SLC5A3: variants seen among roughly 807,000 people sequenced by gnomAD.
SLC5A3 encodes the protein sodium/myo-inositol cotransporter.
A neutral mutation model predicts 43.2 loss-of-function variants in SLC5A3; 10 were observed. That is an observed-to-expected ratio of 0.23 (90% CI 0.14 to 0.39). SLC5A3 has a LOEUF of 0.39. Among genes scored for constraint, SLC5A3 ranks in the 10% least tolerant of loss-of-function variants. The pLI is 1.00. For synonymous variants in SLC5A3, 349 were observed against 322.0 expected (o/e 1.08, Z -0.90); for missense variants, 608 against 893.4 (o/e 0.68, Z 4.07).
rs559463450 is a variant in SLC5A3, at chr21:34,094,165, T to A, written c.-336-698T>A. The stretch of plus-strand genomic sequence containing the variant: ...CTTCTAACTGGCAGAAATAATACAA[T>A]TTTTGAGTTGTTTTGTAAGTTGGAT... On this transcript the variant is annotated intron_variant, in intron 1 of 1. Coordinates refer to ENST00000381151, the MANE Select transcript of SLC5A3 (RefSeq NM_006933.7). Among the ~76,000 whole-genome samples, 7 of 152,304 alleles carry A rather than the reference T, an allele frequency of 4.6e-5. No homozygotes were observed. The South Asian group carries it at 1.4e-3, about 32-fold the overall frequency.
In SLC5A3 at chr21:34,105,857, A is replaced by G; in HGVS notation, c.*8502A>G. 1.0e-6 allele frequency: 1 copy of G among 994,916 alleles called. No individual in the cohort carries two copies. The highest frequency in any genetic ancestry group is 1.2e-6 in the Non-Finnish European group (1 of 825,230). The allele number at this position is 994,916 out of a possible 1,614,324, so 61.6% of individuals were successfully genotyped here. Reference sequence around the variant, plus strand: ...AGGTTATTTCTATATTGAAAGGAGTACAGTTGAAATTGTAGATTTAAGATT... The same window carrying G: ...AGGTTATTTCTATATTGAAAGGAGTGCAGTTGAAATTGTAGATTTAAGATT... On this transcript the variant is annotated 3_prime_UTR_variant, in exon 2 of 2. Coordinates refer to ENST00000381151, the MANE Select transcript of SLC5A3 (RefSeq NM_006933.7).
chr21:34,093,247 T>TC (rs1390897717), intron 1 of SLC5A3, among the ~76,000 whole-genome samples: 2 of 152,038 alleles, frequency 1.3e-5, no homozygotes, highest in African/African-American at 4.8e-5. Flanking sequence ...GATTTTTTTT[T>TC]TTTTTTTTGC....
Position 34,104,124 on chromosome 21 carries a change from T to A in SLC5A3, c.*6769T>A. 2 of 999,928 alleles carry A rather than the reference T, an allele frequency of 2.0e-6. No individual in the cohort carries two copies. The highest frequency in any genetic ancestry group is 2.4e-6 in the Non-Finnish European group (2 of 829,884). 61.9% of individuals were successfully genotyped at this position (999,928 alleles called of 1,614,324 possible). On this transcript the variant is annotated 3_prime_UTR_variant, in exon 2 of 2. Transcript: ENST00000381151. ...TGTATGTGAGAGATGAAGTTACCTT[T>A]ATTTTTTTCCTATACTTGACTGTGC...
intron 1 of SLC5A3, among the ~76,000 whole-genome samples, chr21:34,076,499 C>A (rs556571152): frequency 6.6e-6 from 1 of 152,126 alleles, no homozygotes; most frequent in Non-Finnish European, 1.5e-5. Context: ...CTATGTTTTT[C>A]TCAGTTTGCA....
In SLC5A3 at chr21:34,095,260, T is replaced by C. The variant is rs1453874892; in HGVS notation, c.62T>C (p.Met21Thr). The C allele has an allele frequency of 8.7e-6, 14 of 1,614,042 alleles. No homozygotes were observed. Among genetic ancestry groups the C allele is most frequent in the African/African-American group, 4.0e-5 (3 of 74,934 alleles). ...GTGGCCCTGTATTTTATCCTGGTCA[T>C]GTGCATTGGTTTTTTTGCCATGTGG... is the stretch of plus-strand genomic sequence containing the variant. ...AIVALYFILV[M>T]CIGFFAMWKS... Residue 21 changes from methionine (M) to threonine (T), a missense_variant, in exon 2 of 2, where the codon ATG becomes ACG. By Grantham distance (81) the Met-to-Thr change is moderately conservative. Around this residue, in one of 2 missense-constraint regions of SLC5A3, gnomAD observed 398 missense variants for 668.6 expected, o/e 0.60. Transcript: ENST00000381151.
intron 1 of SLC5A3, among the ~76,000 whole-genome samples, chr21:34,091,141 C>G (rs140526092): frequency 6.6e-6 from 1 of 152,182 alleles, no homozygotes; most frequent in East Asian, 1.9e-4. Context: ...TTACCATTGA[C>G]AGAGTGCTGG....
At position 34,097,253 on chromosome 21, in the gene SLC5A3, A is replaced by G; in HGVS notation, c.2055A>G (p.Leu685=). Residue 685 remains leucine, a synonymous_variant, in exon 2 of 2, where the codon TTA becomes TTG. Transcript: ENST00000381151. ...TGATGGAAGAGGAGGCTGTTTGTTT[A>G]CAGATGCTAGAAGAGACTCGGCAAG... ...RDLMEEEAVC[L]QMLEETRQVK... The G allele has an allele frequency of 1.2e-6, 2 of 1,614,076 alleles. No homozygotes were observed. Among genetic ancestry groups the G allele is most frequent in the Non-Finnish European group, 1.7e-6 (2 of 1,179,932 alleles).
In SLC5A3 at chr21:34,095,459, A is replaced by G; in HGVS notation, c.261A>G (p.Leu87=). The change falls in exon 2 of 2, where the codon TTA becomes TTG. Residue 87 remains leucine (L), a synonymous_variant. Transcript: ENST00000381151. The part of the protein sequence containing the change: ...FAVGAWEFNA[L]LLLQLLGWVF... ...TGGGCGCATGGGAATTCAATGCCTT[A>G]CTGCTTTTACAACTTCTGGGATGGG... is the stretch of plus-strand genomic sequence containing the variant. 1 of 1,614,106 alleles carries G rather than the reference A, an allele frequency of 6.2e-7. No homozygotes were observed. The highest frequency in any genetic ancestry group is 1.1e-5 in the South Asian group (1 of 91,078).
chr21:34,101,563 C>CT lies in SLC5A3; in HGVS notation c.*4211dup, dbSNP rs1569418637. On this transcript the variant is annotated 3_prime_UTR_variant, in exon 2 of 2. Transcript: ENST00000381151. Reference sequence around the variant, plus strand: ...ACCATTCAGAGAGACTGGTCTTTCTCTTTGTCTTCCTTCACATTGCTGTGT... The same window carrying CT: ...ACCATTCAGAGAGACTGGTCTTTCTCTTTTGTCTTCCTTCACATTGCTGTGT... 1.0e-6 allele frequency: 1 copy of CT among 1,000,002 alleles called. No homozygotes were observed. The highest frequency in any genetic ancestry group is 1.2e-6 in the Non-Finnish European group (1 of 829,788). 61.9% of individuals were successfully genotyped at this position (1,000,002 alleles called of 1,614,324 possible).
At chr21:34,086,591 T>C (rs1569414136) in intron 1 of SLC5A3, among the ~76,000 whole-genome samples, 2 of 152,104 alleles carry the variant, frequency 1.3e-5, no homozygotes, top group African/African-American at 4.8e-5. Context: ...TCTTCATCTT[T>C]ATTTCAGAAA....
At chr21:34,090,474 TTGA>T (rs1290326780) in intron 1 of SLC5A3, among the ~76,000 whole-genome samples, 4 of 152,236 alleles carry the variant, frequency 2.6e-5, no homozygotes, top group Non-Finnish European at 5.9e-5. Context: ...GAGCTAATAG[TTGA>T]TGAGACAGTT....
chr21:34,079,602 ATTTTTTTTTTTT>A (rs398036389), intron 1 of SLC5A3, among the ~76,000 whole-genome samples: 6 of 43,660 alleles, frequency 1.4e-4, no homozygotes, highest in African/African-American at 1.7e-4. Context: ...GACCCAGCTA[ATTTTTTTTTTTT>A]TTTTTTTTTT....
Position 34,097,733 on chromosome 21 carries a change from C to T in SLC5A3, c.*378C>T, listed in dbSNP as rs1602931942. On this transcript the variant is annotated 3_prime_UTR_variant, in exon 2 of 2. Coordinates refer to ENST00000381151, the MANE Select transcript of SLC5A3 (RefSeq NM_006933.7). Reference sequence around the variant, plus strand: ...CTTACCCTGAAGTAGAAGATTTGCTCATTTCTAAATTTTTTTTTCTGTCTC... The same window carrying T: ...CTTACCCTGAAGTAGAAGATTTGCTTATTTCTAAATTTTTTTTTCTGTCTC... 9.9e-7 allele frequency: 1 copy of T among 1,006,664 alleles called. No homozygotes were observed. Among genetic ancestry groups the T allele is most frequent in the Non-Finnish European group, 1.2e-6 (1 of 834,482 alleles). The allele number at this position is 1,006,664 out of a possible 1,614,324, so 62.4% of individuals were successfully genotyped here.
In SLC5A3 at chr21:34,073,670, C is replaced by T. The variant is rs762687231; in HGVS notation, c.-412C>T. ...CCTTCGCGTCCCGGGAACCGGCTGG[C>T]TTCCGAGCCGCACTCGCCGATCCTC... On this transcript the variant is annotated 5_prime_UTR_variant, in exon 1 of 2. Coordinates refer to ENST00000381151, the MANE Select transcript of SLC5A3 (RefSeq NM_006933.7). 2.6e-6 allele frequency: 4 copies of T among 1,512,616 alleles called. No individual in the cohort carries two copies. The highest frequency in any genetic ancestry group is 1.2e-5 in the South Asian group (1 of 86,162). The allele number at this position is 1,512,616 out of a possible 1,614,324, so 93.7% of individuals were successfully genotyped here. A position where few individuals can be genotyped will look rare whatever the true frequency, so the allele number is the denominator to read the frequency against.
intron 1 of SLC5A3, among the ~76,000 whole-genome samples, chr21:34,078,352 A>T (rs1419216491): frequency 6.6e-6 from 1 of 152,168 alleles, no homozygotes; most frequent in Non-Finnish European, 1.5e-5. Flanking sequence ...TGAAGAAGGA[A>T]GGAGTCCTGT....
rs1285477073 is a variant in SLC5A3 at position 34,102,609 on chromosome 21, G to A, written c.*5254G>A. ...AGGCTATTGACTTAAACCAATAACT[G>A]TACTTTATGTAATGACTCTTAAATT... On this transcript the variant is annotated 3_prime_UTR_variant, in exon 2 of 2. Transcript: ENST00000381151. The A allele has an allele frequency of 5.0e-6, 5 of 1,000,022 alleles. No homozygotes were observed. The highest frequency in any genetic ancestry group is 3.5e-5 in the African/African-American group (2 of 57,220). 61.9% of individuals were successfully genotyped at this position (1,000,022 alleles called of 1,614,324 possible).
rs527670058 is a variant in SLC5A3 at position 34,100,261 on chromosome 21, A to C, written c.*2906A>C. On this transcript the variant is annotated 3_prime_UTR_variant, in exon 2 of 2. Coordinates refer to ENST00000381151, the MANE Select transcript of SLC5A3 (RefSeq NM_006933.7). ...GTCTTCTCAGGCAATTTTCATCTCAAGATCTGATGAGAAGGGCATATTACA... is the reference window on the plus strand; with the variant it reads ...GTCTTCTCAGGCAATTTTCATCTCACGATCTGATGAGAAGGGCATATTACA... 12 of 1,000,052 alleles carry C rather than the reference A, an allele frequency of 1.2e-5. No homozygotes were observed. In the South Asian group the frequency reaches 4.7e-4, roughly 39 times the overall value. The allele number at this position is 1,000,052 out of a possible 1,614,324, so 61.9% of individuals were successfully genotyped here.
At position 34,105,353 on chromosome 21, in the gene SLC5A3, A is replaced by C. The variant is rs530721087; in HGVS notation, c.*7998A>C. On this transcript the variant is annotated 3_prime_UTR_variant, in exon 2 of 2. Coordinates refer to ENST00000381151, the MANE Select transcript of SLC5A3 (RefSeq NM_006933.7). ...GGATATCAAAAATAGTTGCTGTGCA[A>C]AAGTTAGTAGTCTTCTTCAAGAAGA... 1.0e-6 allele frequency: 1 copy of C among 999,832 alleles called. No individual in the cohort carries two copies. The highest frequency in any genetic ancestry group is 1.1e-4 in the East Asian group (1 of 8,822). The allele number at this position is 999,832 out of a possible 1,614,324, so 61.9% of individuals were successfully genotyped here.
Position 34,103,822 on chromosome 21 carries a change from A to ATGCCAAAATTATATTTGGGGGT in SLC5A3, c.*6469_*6490dup. On this transcript the variant is annotated 3_prime_UTR_variant, in exon 2 of 2. Coordinates refer to ENST00000381151, the MANE Select transcript of SLC5A3 (RefSeq NM_006933.7). The stretch of plus-strand genomic sequence containing the variant: ...GAGGGAGAGAATATAAATGTCAAGA[A>ATGCCAAAATTATATTTGGGGGT]TGCCAAAATTATATTTGGGGGTTAC... The ATGCCAAAATTATATTTGGGGGT allele has an allele frequency of 1.0e-6, 1 of 1,000,186 alleles. No homozygotes were observed. The highest frequency in any genetic ancestry group is 1.2e-6 in the Non-Finnish European group (1 of 829,940). 62.0% of individuals were successfully genotyped at this position (1,000,186 alleles called of 1,614,324 possible). A position where few individuals can be genotyped will look rare whatever the true frequency, so the allele number is the denominator to read the frequency against.
Sources: gnomAD v4.1 joint callset for allele counts (sites outside exome capture counted in the v4.1 genomes callset) on GRCh38, gnomAD v4.1.1 for gene constraint, gnomAD v4.1.1 regional missense constraint, MANE v1.5 for transcripts, NCBI Gene and HGNC (gene_info 2026-07-23, HGNC 2026-07-21) for gene names.